Variants in KLF12 observed in about 807,000 individuals in gnomAD.
KLF12 encodes Krueppel-like factor 12.
In KLF12, 9 loss-of-function variants were observed where a neutral mutation model predicts 37.8. That is an observed-to-expected ratio of 0.24 (90% confidence interval 0.14 to 0.42). The LOEUF (loss-of-function observed/expected upper bound fraction) is 0.42, where lower values mean the gene tolerates loss of function less well. KLF12 is among the 10% of genes least tolerant of loss of function. KLF12 has a pLI of 1.00. For missense variants in KLF12, 411 were observed against 516.0 expected (o/e 0.80, Z 1.97); for synonymous variants, 208 against 202.1 (o/e 1.03, Z -0.25).
At chr13:73,953,227 A>T (rs1246908690) in intron 2 of KLF12, among the ~76,000 whole-genome samples, 3 of 152,142 alleles carry the variant, frequency 2.0e-5, no homozygotes, top group East Asian at 3.9e-4. Flanking sequence ...AGAGGGAAAG[A>T]TTTCTCTTAA....
chr13:74,213,811 A>G, the KLF12 span, among the ~76,000 whole-genome samples: 2 of 152,272 alleles, frequency 1.3e-5, no homozygotes, highest in Admixed American at 1.3e-4. Flanking sequence ...TCCCTTTCAC[A>G]AGCTCTCTTG....
At chr13:73,775,936 T>A (rs558072084) in intron 5 of KLF12, among the ~76,000 whole-genome samples, 151 of 152,302 alleles carry the variant, frequency 9.9e-4, no homozygotes, top group African/African-American at 3.6e-3. Context: ...GCTGTACCAC[T>A]TTTCCTTTGA....
chr13:74,304,236 C>T, the KLF12 span, among the ~76,000 whole-genome samples: 1 of 152,176 alleles, frequency 6.6e-6, no homozygotes, highest in South Asian at 2.1e-4. Context: ...ATATCGTTTG[C>T]ACTGTACTCC....
the KLF12 span, among the ~76,000 whole-genome samples, chr13:74,295,314 A>C: frequency 6.6e-6 from 1 of 152,006 alleles, no homozygotes; most frequent in Admixed American, 6.6e-5. Context: ...TCCACTCCCT[A>C]TAAACCACAC....
the KLF12 span, among the ~76,000 whole-genome samples, chr13:74,262,029 G>A: frequency 1.9e-4 from 29 of 152,270 alleles, no homozygotes; most frequent in East Asian, 4.8e-3. Flanking sequence ...CTGCACTGGG[G>A]CCTCTCTTTT....
the KLF12 span, among the ~76,000 whole-genome samples, chr13:74,298,973 A>T: frequency 1.3e-5 from 2 of 152,178 alleles, no homozygotes; most frequent in South Asian, 2.1e-4. Flanking sequence ...AACCTCAAAG[A>T]ACGGAATTCT....
At chr13:73,776,638 A>G (rs1880625200) in intron 5 of KLF12, among the ~76,000 whole-genome samples, 1 of 152,230 alleles carries the variant, frequency 6.6e-6, no homozygotes, top group Non-Finnish European at 1.5e-5. Context: ...CCCCACTTCC[A>G]GCCACTGGTG....
At chr13:73,914,861 C>T (rs978401250) in intron 3 of KLF12, among the ~76,000 whole-genome samples, 1 of 151,912 alleles carries the variant, frequency 6.6e-6, no homozygotes, top group African/African-American at 2.4e-5. Flanking sequence ...CTCGTTTTTG[C>T]TTTCATTGAA....
At chr13:74,016,223 G>A (rs1055690429) in intron 1 of KLF12, among the ~76,000 whole-genome samples, 3 of 152,010 alleles carry the variant, frequency 2.0e-5, no homozygotes, top group East Asian at 1.9e-4. Flanking sequence ...ATTTACATGC[G>A]AAAGATATTC....
chr13:73,935,286 G>A (rs983945172), intron 3 of KLF12, among the ~76,000 whole-genome samples: 1 of 152,120 alleles, frequency 6.6e-6, no homozygotes, highest in Non-Finnish European at 1.5e-5. Flanking sequence ...ATCGTGCCCG[G>A]CCTACTTTGG....
At chr13:73,749,131 G>A (rs2137952730) in intron 6 of KLF12, among the ~76,000 whole-genome samples, 1 of 152,230 alleles carries the variant, frequency 6.6e-6, no homozygotes, top group Middle Eastern at 3.4e-3. Flanking sequence ...TCCTAGGGGA[G>A]GCCCAGCTTC....
At chr13:74,178,349 G>A in the KLF12 span, among the ~76,000 whole-genome samples, 1 of 152,124 alleles carries the variant, frequency 6.6e-6, no homozygotes, top group Admixed American at 6.5e-5. Flanking sequence ...GTTTTGTTTT[G>A]TTTTTTACAC....
chr13:74,059,355 T>C (rs903803165), intron 1 of KLF12, among the ~76,000 whole-genome samples: 7 of 152,224 alleles, frequency 4.6e-5, no homozygotes, highest in Non-Finnish European at 5.9e-5. Context: ...TTGAGAAATC[T>C]CCAAACTGCT....
chr13:74,063,075 T>C (rs1398458729), intron 1 of KLF12, among the ~76,000 whole-genome samples: 1 of 152,196 alleles, frequency 6.6e-6, no homozygotes, highest in Non-Finnish European at 1.5e-5. Flanking sequence ...CCGAGCTTCC[T>C]CTGTGCCGCA....
chr13:73,922,461 C>G (rs959460565), intron 3 of KLF12, among the ~76,000 whole-genome samples: 2 of 152,172 alleles, frequency 1.3e-5, no homozygotes, highest in Admixed American at 6.6e-5. Flanking sequence ...ACTGGAGGAA[C>G]AGCTGAGGGA....
At chr13:73,974,437 C>T (rs1056134084) in intron 2 of KLF12, among the ~76,000 whole-genome samples, 2 of 152,130 alleles carry the variant, frequency 1.3e-5, no homozygotes, top group Admixed American at 1.3e-4. Flanking sequence ...AAAGGAGCAT[C>T]GTCTACAGAT....
At chr13:73,843,640 T>C (rs1453074504) in intron 4 of KLF12, among the ~76,000 whole-genome samples, 3 of 152,110 alleles carry the variant, frequency 2.0e-5, no homozygotes, top group Non-Finnish European at 4.4e-5. Flanking sequence ...CCAATAATCT[T>C]CTAGGCTAGA....
At chr13:74,225,403 T>C in the KLF12 span, among the ~76,000 whole-genome samples, 3 of 152,192 alleles carry the variant, frequency 2.0e-5, no homozygotes, top group Non-Finnish European at 4.4e-5. Flanking sequence ...AGTTATGTTT[T>C]CTTTCAAAAT....
At chr13:73,798,191 T>C (rs1050424366) in intron 5 of KLF12, among the ~76,000 whole-genome samples, 2 of 152,250 alleles carry the variant, frequency 1.3e-5, no homozygotes, top group Admixed American at 6.5e-5. Context: ...ATTCAATGAA[T>C]GGTGCTGGGA....
Sources: allele counts gnomAD v4.1 joint callset (sites outside exome capture counted in the v4.1 genomes callset), GRCh38; gene constraint gnomAD v4.1.1; transcripts MANE v1.5; gene names NCBI Gene and HGNC (gene_info 2026-07-23, HGNC 2026-07-21).